ELOVL6: variants seen among roughly 807,000 people sequenced by gnomAD.
The protein encoded by ELOVL6 is very long chain fatty acid elongase 6.
In ELOVL6, 8 loss-of-function variants were observed where a neutral mutation model predicts 31.7. The observed-to-expected ratio is 0.25, with a 90% CI of 0.15 to 0.45. The LOEUF (loss-of-function observed/expected upper bound fraction) is 0.45, where lower values mean the gene tolerates loss of function less well. ELOVL6 is among the 20% of genes least tolerant of loss of function. The probability of loss-of-function intolerance (pLI) is 1.00; values close to 1 mark genes in which losing one functional copy is unlikely to be tolerated. For missense variants in ELOVL6, 126 were observed against 326.4 expected (o/e 0.39, Z 4.73); for synonymous variants, 101 against 117.7 (o/e 0.86, Z 0.92).
At chr4:110,193,161 T>C (rs559719713) in intron 1 of ELOVL6, among the ~76,000 whole-genome samples, 9 of 152,360 alleles carry the variant, frequency 5.9e-5, no homozygotes, top group Non-Finnish European at 1.3e-4. Flanking sequence ...TTCATTAACA[T>C]TATGCTGCTA....
At chr4:110,063,349 A>G (rs2126223795) in intron 2 of ELOVL6, among the ~76,000 whole-genome samples, 1 of 152,294 alleles carries the variant, frequency 6.6e-6, no homozygotes, top group South Asian at 2.1e-4. Context: ...AAGGAGGGAC[A>G]TCTCCTGCAG....
chr4:110,120,945 C>T (rs923614115), intron 1 of ELOVL6, among the ~76,000 whole-genome samples: 4 of 151,890 alleles, frequency 2.6e-5, no homozygotes, highest in Non-Finnish European at 4.4e-5. Context: ...GGATTACAGG[C>T]GCCTGCCACC....
At chr4:110,127,950 G>A (rs1757556271) in intron 1 of ELOVL6, among the ~76,000 whole-genome samples, 1 of 151,784 alleles carries the variant, frequency 6.6e-6, no homozygotes, top group African/African-American at 2.4e-5. Flanking sequence ...GCTTACACCT[G>A]TAATCCCAGC....
rs1410418771 is a variant in ELOVL6, at chr4:110,169,804, TTTC to T, written c.89+28440_89+28442del. 5.9e-3 allele frequency among the ~76,000 whole-genome samples: 884 copies of T among 149,828 alleles called. 6 individuals carry two copies. The highest frequency in any genetic ancestry group is 0.02 in the African/African-American group (830 of 40,666). On this transcript the variant is annotated intron_variant, in intron 1 of 3. Coordinates refer to ENST00000302274, the MANE Select transcript of ELOVL6 (RefSeq NM_024090.3). ...TTTATATTTAGTTTTCTTTTCTTTCTTTCTTTTTTTTTTTTTTTGAGATGGAGT... is the reference window on the plus strand; with the variant it reads ...TTTATATTTAGTTTTCTTTTCTTTCTTTTTTTTTTTTTTTTGAGATGGAGT...
intron 2 of ELOVL6, among the ~76,000 whole-genome samples, chr4:110,100,280 G>C (rs372410459): frequency 6.6e-6 from 1 of 152,106 alleles, no homozygotes; most frequent in South Asian, 2.1e-4. Flanking sequence ...TAGGCCTAAG[G>C]AAAACTCAAC....
chr4:110,082,352 C>T (rs1755887247), intron 2 of ELOVL6, among the ~76,000 whole-genome samples: 1 of 151,800 alleles, frequency 6.6e-6, no homozygotes, highest in Non-Finnish European at 1.5e-5. Flanking sequence ...CCCAAATGTC[C>T]AACAATGATA....
At chr4:110,149,606 T>C (rs1369615297) in intron 1 of ELOVL6, among the ~76,000 whole-genome samples, 1 of 152,166 alleles carries the variant, frequency 6.6e-6, no homozygotes, top group Non-Finnish European at 1.5e-5. Flanking sequence ...TGATGGACAA[T>C]GAAGACTTGG....
intron 2 of ELOVL6, among the ~76,000 whole-genome samples, chr4:110,082,875 C>G (rs992727743): frequency 1.3e-5 from 2 of 152,056 alleles, no homozygotes; most frequent in Admixed American, 6.5e-5. Context: ...ATGGACTCAA[C>G]AATTATCCAC....
intron 1 of ELOVL6, among the ~76,000 whole-genome samples, chr4:110,191,517 T>C (rs901052621): frequency 6.6e-6 from 1 of 152,202 alleles, no homozygotes; most frequent in African/African-American, 2.4e-5. Flanking sequence ...TAAAGGACAG[T>C]TTGGCTCACC....
chr4:110,168,142 A>T (rs1258090356), intron 1 of ELOVL6, among the ~76,000 whole-genome samples: 2 of 152,048 alleles, frequency 1.3e-5, no homozygotes, highest in Non-Finnish European at 2.9e-5. Context: ...AAAAGTTAAA[A>T]CCCTTTGAGA....
At chr4:110,056,421 C>T (rs1754988189) in intron 3 of ELOVL6, among the ~76,000 whole-genome samples, 1 of 152,008 alleles carries the variant, frequency 6.6e-6, no homozygotes, top group African/African-American at 2.4e-5. Flanking sequence ...ATCTGCTTGT[C>T]TTGGAGACAC....
chr4:110,118,878 G>A (rs1214920065), intron 1 of ELOVL6, among the ~76,000 whole-genome samples: 1 of 152,086 alleles, frequency 6.6e-6, no homozygotes, highest in African/African-American at 2.4e-5. Flanking sequence ...ACCAGCCTGG[G>A]CAACATGGCC....
chr4:110,096,218 T>C (rs940802826), intron 2 of ELOVL6, among the ~76,000 whole-genome samples: 7 of 152,222 alleles, frequency 4.6e-5, no homozygotes, highest in African/African-American at 1.4e-4. Context: ...AAGGAGCTAT[T>C]AATAATTACA....
chr4:110,065,566 A>G (rs1346364081), intron 2 of ELOVL6, among the ~76,000 whole-genome samples: 1 of 152,182 alleles, frequency 6.6e-6, no homozygotes, highest in African/African-American at 2.4e-5. Flanking sequence ...CGAGCCTGCA[A>G]TAAGCCATAA....
intron 1 of ELOVL6, among the ~76,000 whole-genome samples, chr4:110,145,724 A>G (rs1315670694): frequency 2.0e-5 from 3 of 151,742 alleles, no homozygotes; most frequent in Admixed American, 6.6e-5. Context: ...AAACAAAGAA[A>G]CCACCGATAA....
rs1238135986 is a variant in ELOVL6 at position 110,083,997 on chromosome 4, C to T, written c.221+21500G>A. On this transcript the variant is annotated intron_variant, in intron 2 of 3. Transcript: ENST00000302274. ...AACATATGCCATATACGATATATAA[C>T]ATATGCCATATATGGTATATAACAT... Among the ~76,000 whole-genome samples, 71 of 42,796 alleles carry T rather than the reference C, an allele frequency of 1.7e-3. 7 individuals carry two copies. Among genetic ancestry groups the T allele is most frequent in the Middle Eastern group, 0.016 (1 of 62 alleles). The allele number at this position is 42,796 out of a possible 152,430, so 28.1% of individuals were successfully genotyped here.
rs79936494 is a variant in ELOVL6 at position 110,083,324 on chromosome 4, G to A, written c.221+22173C>T. ...ACATGAAAGAAGTCCTCTCAGAAGC[G>A]GGGACATGTGATCTGATAACTGATC... On this transcript the variant is annotated intron_variant, in intron 2 of 3. Coordinates refer to ENST00000302274, the MANE Select transcript of ELOVL6 (RefSeq NM_024090.3). Among the ~76,000 whole-genome samples, 1,253 of 151,800 alleles carry A rather than the reference G, an allele frequency of 8.3e-3. 45 individuals carry two copies. The highest frequency in any genetic ancestry group is 0.029 in the African/African-American group (1,210 of 41,094).
chr4:110,193,738 T>C (rs551718313), intron 1 of ELOVL6, among the ~76,000 whole-genome samples: 5 of 152,318 alleles, frequency 3.3e-5, no homozygotes, highest in African/African-American at 1.2e-4. Flanking sequence ...ATAGACTCTA[T>C]AATACAGAAT....
At chr4:110,055,562 C>T (rs1337186917) in intron 3 of ELOVL6, among the ~76,000 whole-genome samples, 1 of 152,116 alleles carries the variant, frequency 6.6e-6, no homozygotes, top group East Asian at 1.9e-4. Context: ...CTTAACTACA[C>T]CTTTGCAGCT....
Sources: allele counts gnomAD v4.1 joint callset (sites outside exome capture counted in the v4.1 genomes callset), GRCh38; gene constraint gnomAD v4.1.1; transcripts MANE v1.5; gene names NCBI Gene and HGNC (gene_info 2026-07-23, HGNC 2026-07-21).